SUMF1: variants seen among roughly 807,000 people sequenced by gnomAD.
SUMF1 encodes the protein sulfatase modifying factor 1, also known as formylglycine-generating enzyme.
SUMF1 carries 48 observed loss-of-function variants against 47.6 expected under a neutral mutation model. That is an observed-to-expected ratio of 1.01 (90% confidence interval 0.80 to 1.28). The LOEUF (loss-of-function observed/expected upper bound fraction) is 1.28. Ranked by LOEUF, SUMF1 falls within the 50% of genes most tolerant of loss-of-function variation. The pLI, the probability that SUMF1 is intolerant of heterozygous loss-of-function variation, is 0.00. For missense variants in SUMF1, 571 were observed against 485.4 expected (o/e 1.18, Z -1.66); for synonymous variants, 230 against 192.1 (o/e 1.20, Z -1.63).
chr3:4,109,691 A>C (rs529707468), intron 8 of SUMF1, among the ~76,000 whole-genome samples: 3 of 152,088 alleles, frequency 2.0e-5, no homozygotes, highest in Admixed American at 6.5e-5. Context: ...TCCATCACTG[A>C]TACCCTTTCT....
At chr3:4,267,343 T>A (rs1254907294) in intron 8 of SUMF1, among the ~76,000 whole-genome samples, 1 of 152,176 alleles carries the variant, frequency 6.6e-6, no homozygotes, top group Non-Finnish European at 1.5e-5. Flanking sequence ...CGGCTGTGAA[T>A]CCATCTGGTC....
At chr3:4,414,247 C>T (rs185518353) in intron 6 of SUMF1, among the ~76,000 whole-genome samples, 9 of 152,326 alleles carry the variant, frequency 5.9e-5, no homozygotes, top group Admixed American at 3.3e-4. Context: ...GGAAAAATCA[C>T]TTGAGCCCAG....
intron 8 of SUMF1, among the ~76,000 whole-genome samples, chr3:4,202,434 A>G (rs1284864379): frequency 1.3e-5 from 2 of 151,718 alleles, no homozygotes; most frequent in South Asian, 2.1e-4. Flanking sequence ...GGTTGTATTT[A>G]TGAGTTCTCT....
intron 4 of SUMF1, among the ~76,000 whole-genome samples, chr3:4,418,689 G>GC (rs1553575412): frequency 6.6e-6 from 1 of 152,192 alleles, no homozygotes; most frequent in African/African-American, 2.4e-5. Flanking sequence ...CAGGTGTGGG[G>GC]CCCTAACATT....
In SUMF1 at chr3:4,183,093, A is replaced by G. The variant is rs917468970; in HGVS notation, c.1015-114348T>C. ...TGGGAACTTGTCTGAACTGCCTTGG[A>G]TAACTGTTCCATTCCAAGTGCTAGC... On this transcript the variant is annotated intron_variant and NMD_transcript_variant, in intron 8 of 12. Transcript: ENST00000448413. 5.3e-5 allele frequency among the ~76,000 whole-genome samples: 8 copies of G among 152,308 alleles called. No homozygotes were observed. In the East Asian group the frequency reaches 1.5e-3, roughly 29 times the overall value.
At chr3:4,274,432 T>G (rs76836366) in intron 8 of SUMF1, among the ~76,000 whole-genome samples, 6,467 of 152,276 alleles carry the variant, frequency 0.042, 327 homozygotes, top group South Asian at 0.26. Flanking sequence ...TTAGTCTAAC[T>G]ACAATTCTGT....
Position 4,264,929 on chromosome 3 carries a change from A to T in SUMF1, c.1014+111401T>A, listed in dbSNP as rs1697158265. On this transcript the variant is annotated intron_variant and NMD_transcript_variant, in intron 8 of 12. Coordinates refer to the SUMF1 transcript ENST00000448413. ...CAGGTGGATCATCTGAGATCAGGAG[A>T]TCTAGACCATCATGGCCAACATTGT... 2.0e-5 allele frequency among the ~76,000 whole-genome samples: 3 copies of T among 152,042 alleles called. No homozygotes were observed. In the South Asian group the frequency reaches 6.2e-4, roughly 32 times the overall value.
At chr3:4,103,837 T>G (rs576277713) in intron 8 of SUMF1, among the ~76,000 whole-genome samples, 2 of 152,268 alleles carry the variant, frequency 1.3e-5, no homozygotes, top group South Asian at 4.2e-4. Flanking sequence ...AAACAGCTGA[T>G]AGAAGAATCA....
Position 4,111,167 on chromosome 3 carries a change from A to G in SUMF1, c.1015-42422T>C, listed in dbSNP as rs1693297298. Among the ~76,000 whole-genome samples, 2 of 151,932 alleles carry G rather than the reference A, an allele frequency of 1.3e-5. 1 individual carries two copies. Among genetic ancestry groups the G allele is most frequent in the South Asian group, 4.2e-4 (2 of 4,802 alleles). Reference sequence around the variant, plus strand: ...CCCCTACATGTAACAAAATTCACACATACTCAAGTCCCACAGTTGGCCTAG... The same window carrying G: ...CCCCTACATGTAACAAAATTCACACGTACTCAAGTCCCACAGTTGGCCTAG... On this transcript the variant is annotated intron_variant and NMD_transcript_variant, in intron 8 of 12. Coordinates refer to the SUMF1 transcript ENST00000448413.
At chr3:4,212,243 A>C (rs1182367849) in intron 8 of SUMF1, among the ~76,000 whole-genome samples, 1 of 152,146 alleles carries the variant, frequency 6.6e-6, no homozygotes, top group Non-Finnish European at 1.5e-5. Context: ...AACAGTCAGC[A>C]ATCTTTGCTG....
intron 8 of SUMF1, among the ~76,000 whole-genome samples, chr3:4,133,929 C>T (rs1403739772): frequency 1.3e-5 from 2 of 152,048 alleles, no homozygotes; most frequent in Non-Finnish European, 2.9e-5. Context: ...GATGGGAACA[C>T]ACGGGCAGAC....
chr3:4,336,692 T>C (rs1111590), intron 8 of SUMF1, among the ~76,000 whole-genome samples: 118,158 of 151,750 alleles, frequency 0.78, 46,531 homozygotes, highest in African/African-American at 0.9. Flanking sequence ...ATTTTATTAC[T>C]CATCCAAATA....
chr3:4,175,643 C>T (rs917259094), intron 8 of SUMF1, among the ~76,000 whole-genome samples: 10 of 152,226 alleles, frequency 6.6e-5, no homozygotes, highest in Admixed American at 1.3e-4. Context: ...TCCAAAGAAT[C>T]GCAGCTCCTT....
intron 8 of SUMF1, among the ~76,000 whole-genome samples, chr3:4,337,726 T>C (rs1222073767): frequency 1.3e-5 from 2 of 152,286 alleles, no homozygotes; most frequent in African/African-American, 4.8e-5. Flanking sequence ...TCTCCTATCC[T>C]GCATTGAACA....
At chr3:4,064,131 G>A (rs1695329381) in intron 9 of SUMF1, among the ~76,000 whole-genome samples, 1 of 152,054 alleles carries the variant, frequency 6.6e-6, no homozygotes, top group Non-Finnish European at 1.5e-5. Flanking sequence ...GCATTCCCCA[G>A]AGGTTAGGCA....
chr3:4,386,775 C>T (rs1417536813), intron 7 of SUMF1, among the ~76,000 whole-genome samples: 2 of 151,496 alleles, frequency 1.3e-5, no homozygotes, highest in East Asian at 3.9e-4. Context: ...TTGAGAAAAT[C>T]TTTGTATTCC....
At chr3:4,221,862 A>G (rs933292758) in intron 8 of SUMF1, among the ~76,000 whole-genome samples, 4 of 152,086 alleles carry the variant, frequency 2.6e-5, no homozygotes, top group African/African-American at 9.7e-5. Context: ...ATGTATATAT[A>G]CTCAAATGTT....
chr3:4,082,395 GGAGGTC>G (rs1462935829), intron 8 of SUMF1, among the ~76,000 whole-genome samples: 3 of 152,048 alleles, frequency 2.0e-5, no homozygotes, highest in Admixed American at 2.0e-4. Flanking sequence ...CTTGAGCCTG[GGAGGTC>G]GAGGCTGCAA....
downstream of SUMF1, among the ~76,000 whole-genome samples, chr3:4,358,696 C>A (rs1699676477): frequency 6.6e-6 from 1 of 152,176 alleles, no homozygotes; most frequent in Admixed American, 6.5e-5. Flanking sequence ...GCTACACTTT[C>A]CAGTGTGTTA....
Sources: allele counts gnomAD v4.1 joint callset (sites outside exome capture counted in the v4.1 genomes callset), GRCh38; gene constraint gnomAD v4.1.1; transcripts MANE v1.5; gene names NCBI Gene and HGNC (gene_info 2026-07-23, HGNC 2026-07-21).